CCDC83: variants seen among roughly 807,000 people sequenced by gnomAD.
CCDC83 encodes coiled-coil domain-containing protein 83.
A neutral mutation model predicts 50.1 loss-of-function variants in CCDC83; 54 were observed. The ratio of observed to expected loss-of-function variants is 1.08; its 90% CI spans 0.87 to 1.35. CCDC83 has a LOEUF of 1.35. Among genes scored for constraint, CCDC83 ranks in the 40% most tolerant of loss-of-function variants. The pLI is 0.00. For synonymous variants in CCDC83, 161 were observed against 153.3 expected (o/e 1.05, Z -0.37); for missense variants, 518 against 473.9 (o/e 1.09, Z -0.86).
intron 6 of CCDC83, 43 bp downstream of exon 6, chr11:85,895,427 T>TC: frequency 8.0e-7 from 1 of 1,257,078 alleles, no homozygotes. Flanking sequence ...ACAAACATTT[T>TC]CCCCCTATTT....
At chr11:85,905,039 G>T (rs978982644) in intron 7 of CCDC83, among the ~76,000 whole-genome samples, 4 of 152,232 alleles carry the variant, frequency 2.6e-5, no homozygotes, top group Non-Finnish European at 5.9e-5. Flanking sequence ...GCTCATGCCT[G>T]TAATCCCAGC....
intron 1 of CCDC83, among the ~76,000 whole-genome samples, chr11:85,860,528 C>G (rs550423200): frequency 6.6e-6 from 1 of 152,130 alleles, no homozygotes; most frequent in Non-Finnish European, 1.5e-5. Context: ...AAAGGGAACA[C>G]TTATACACTG....
In CCDC83 at chr11:85,901,058, C is replaced by A. The variant is rs574423028; in HGVS notation, c.672+2043C>A. On this transcript the variant is annotated intron_variant, in intron 7 of 10. Coordinates refer to ENST00000342404, the MANE Select transcript of CCDC83 (RefSeq NM_001286159.2). ...CCAGCCTGGGCGACAGAGCGAGACC[C>A]TGTCTAAAAAAAAAAAAAAAAATTC... Among the ~76,000 whole-genome samples, 409 of 138,678 alleles carry A rather than the reference C, an allele frequency of 2.9e-3. 2 individuals are homozygous for A. The highest frequency in any genetic ancestry group is 5.1e-3 in the African/African-American group (184 of 35,804). The allele number at this position is 138,678 out of a possible 152,430, so 91.0% of individuals were successfully genotyped here.
chr11:85,873,079 G>A (rs560347779), intron 2 of CCDC83, 132 bp from the exon 3 acceptor site: 153 of 428,552 alleles, frequency 3.6e-4, no homozygotes, highest in South Asian at 7.0e-4. Context: ...ACACAAAACC[G>A]TTTAGGAAAG....
chr11:85,904,048 A>T (rs1477357401), intron 7 of CCDC83, among the ~76,000 whole-genome samples: 1 of 151,982 alleles, frequency 6.6e-6, no homozygotes. Flanking sequence ...AATAAATGAA[A>T]CATAAACCTG....
intron 5 of CCDC83, among the ~76,000 whole-genome samples, chr11:85,894,211 G>C (rs371678593): frequency 6.6e-6 from 1 of 152,094 alleles, no homozygotes; most frequent in Admixed American, 6.6e-5. Flanking sequence ...TGGAAATAAG[G>C]TTCTATAGTA....
At chr11:85,912,896 T>C (rs943518660) in intron 8 of CCDC83, among the ~76,000 whole-genome samples, 8 of 152,214 alleles carry the variant, frequency 5.3e-5, no homozygotes, top group African/African-American at 1.9e-4. Context: ...TGTTCTGACA[T>C]GGTTGTAAAG....
intron 1 of CCDC83, among the ~76,000 whole-genome samples, chr11:85,862,176 A>G (rs2153681902): frequency 6.6e-6 from 1 of 152,266 alleles, no homozygotes; most frequent in South Asian, 2.1e-4. Flanking sequence ...GTCCATTTTT[A>G]GTAAATAAAC....
chr11:85,863,578 C>G (rs1037976981), intron 1 of CCDC83, among the ~76,000 whole-genome samples: 1 of 152,216 alleles, frequency 6.6e-6, no homozygotes, highest in African/African-American at 2.4e-5. Flanking sequence ...AGAAAAGTCA[C>G]AGACATAAAG....
chr11:85,892,371 T>G (rs1301373265), intron 5 of CCDC83, among the ~76,000 whole-genome samples: 1 of 152,224 alleles, frequency 6.6e-6, no homozygotes, highest in African/African-American at 2.4e-5. Context: ...GGTTAATTGT[T>G]ACCAGAAGCA....
At chr11:85,900,980 G>A (rs544559215) in intron 7 of CCDC83, among the ~76,000 whole-genome samples, 13 of 151,766 alleles carry the variant, frequency 8.6e-5, no homozygotes, top group Middle Eastern at 6.8e-3. Context: ...TATGAGAATC[G>A]CTTGAGCCCG....
At chr11:85,874,911 G>A (rs1181652608) in intron 3 of CCDC83, among the ~76,000 whole-genome samples, 1 of 152,170 alleles carries the variant, frequency 6.6e-6, no homozygotes. Flanking sequence ...CTCAAACCTT[G>A]TCTCCAGCTG....
At chr11:85,885,789 G>A (rs982008540) in intron 4 of CCDC83, among the ~76,000 whole-genome samples, 1 of 152,206 alleles carries the variant, frequency 6.6e-6, no homozygotes, top group Non-Finnish European at 1.5e-5. Context: ...AAGGACACAA[G>A]TTGAAATCAC....
At chr11:85,889,964 T>C (rs956087093) in intron 5 of CCDC83, among the ~76,000 whole-genome samples, 4 of 152,338 alleles carry the variant, frequency 2.6e-5, no homozygotes, top group African/African-American at 7.2e-5. Context: ...TTCCAGTCTA[T>C]ACAAGAAGTT....
In CCDC83 at chr11:85,900,071, G is replaced by A. The variant is rs77271184; in HGVS notation, c.672+1056G>A. ...CGAGAAGGTATTGCTTGGGCCAGAC[G>A]TTACAAGAGAACTACAGAGGATGTG... On this transcript the variant is annotated intron_variant, in intron 7 of 10. Coordinates refer to ENST00000342404, the MANE Select transcript of CCDC83 (RefSeq NM_001286159.2). 3.4e-3 allele frequency among the ~76,000 whole-genome samples: 525 copies of A among 152,246 alleles called. 2 individuals carry two copies. Among genetic ancestry groups the A allele is most frequent in the East Asian group, 0.013 (65 of 5,182 alleles).
At chr11:85,872,507 CAACA>C (rs1431770596) in intron 2 of CCDC83, among the ~76,000 whole-genome samples, 3 of 151,966 alleles carry the variant, frequency 2.0e-5, no homozygotes, top group African/African-American at 7.2e-5. Context: ...ACAACAACAA[CAACA>C]AAAACCCAGA....
chr11:85,898,353 A>G (rs17148578), intron 6 of CCDC83, among the ~76,000 whole-genome samples: 3,515 of 152,286 alleles, frequency 0.023, 128 homozygotes, highest in African/African-American at 0.079. Flanking sequence ...GTTATTCACT[A>G]TAAAATTCTT....
Position 85,878,254 on chromosome 11 carries a change from GT to G in CCDC83, c.181-4256del, listed in dbSNP as rs577977304. On this transcript the variant is annotated intron_variant, in intron 3 of 10. Transcript: ENST00000342404. ...AATATTATAACTAGGATATTGACAA[GT>G]TTAACATGGAAAGTCAAGATACAGA... 1.5e-4 allele frequency among the ~76,000 whole-genome samples: 23 copies of G among 152,242 alleles called. No homozygotes were observed. In the South Asian group the frequency reaches 3.3e-3, roughly 22 times the overall value.
chr11:85,913,051 C>T (rs1197744050), intron 8 of CCDC83, among the ~76,000 whole-genome samples: 1 of 152,216 alleles, frequency 6.6e-6, no homozygotes, highest in African/African-American at 2.4e-5. Context: ...CCTCGCTCTT[C>T]CCTATAAAAA....
Sources: gnomAD v4.1 joint callset for allele counts (sites outside exome capture counted in the v4.1 genomes callset) on GRCh38, gnomAD v4.1.1 for gene constraint, MANE v1.5 for transcripts, NCBI Gene and HGNC (gene_info 2026-07-23, HGNC 2026-07-21) for gene names.